The following KCNJ4 variants were observed in gnomAD, a reference collection of about 807,000 sequenced individuals.
The protein encoded by KCNJ4 is potassium inwardly rectifying channel subfamily J member 4.
KCNJ4 carries 3 observed loss-of-function variants against 25.6 expected under a neutral mutation model. The observed-to-expected ratio is 0.12, with a 90% confidence interval of 0.05 to 0.30. The LOEUF (loss-of-function observed/expected upper bound fraction) is 0.30. Among genes scored for constraint, KCNJ4 ranks in the 10% least tolerant of loss-of-function variants. The pLI is 1.00. For synonymous variants in KCNJ4, 257 were observed against 283.9 expected (o/e 0.91, Z 0.95); for missense variants, 286 against 666.8 (o/e 0.43, Z 6.29).
intron 1 of KCNJ4, among the ~76,000 whole-genome samples, chr22:38,448,558 A>G (rs982396534): frequency 1.3e-5 from 2 of 152,062 alleles, no homozygotes; most frequent in African/African-American, 2.4e-5. Context: ...TCTGGGGAGA[A>G]GGAGCTTAAA....
Position 38,427,093 on chromosome 22 carries a change from C to T in KCNJ4, c.1040G>A (p.Cys347Tyr), listed in dbSNP as rs778147631. 14 of 1,612,918 alleles carry T rather than the reference C, an allele frequency of 8.7e-6. No individual in the cohort carries two copies. In the East Asian group the frequency reaches 2.9e-4, roughly 33 times the overall value. Residue 347 changes from cysteine to tyrosine, a missense_variant, in exon 2 of 2, where the codon TGC becomes TAC. This residue lies in a region of KCNJ4 where 36 missense variants were observed against 100.1 expected (regional missense o/e 0.36). Transcript: ENST00000303592. ...CTCCTGCAGCTCCCGGGCCGAGCAG[C>T]AGGGCGTGCCGGCCACCTCGTAGGT... ...HKTYEVAGTP[C>Y]CSARELQESK... is the part of the protein sequence containing the mutation.
chr22:38,430,636 C>T lies in KCNJ4; in HGVS notation c.-39-2465G>A, dbSNP rs554222407. ...GGCCCAGACCCTCTTTGCCCCCTCCCGCAGCATCCCAGCAGCCAGGGCTCC... is the reference window on the plus strand; with the variant it reads ...GGCCCAGACCCTCTTTGCCCCCTCCTGCAGCATCCCAGCAGCCAGGGCTCC... On this transcript the variant is annotated intron_variant, in intron 1 of 1. Coordinates refer to ENST00000303592, the MANE Select transcript of KCNJ4 (RefSeq NM_152868.3). 4.6e-5 allele frequency among the ~76,000 whole-genome samples: 7 copies of T among 152,328 alleles called. 1 individual carries two copies. The highest frequency in any genetic ancestry group is 1.2e-4 in the African/African-American group (5 of 41,566).
Position 38,455,058 on chromosome 22 carries a change from G to T in KCNJ4, c.-118C>A, listed in dbSNP as rs1166831519. On this transcript the variant is annotated 5_prime_UTR_variant, in exon 1 of 2. Transcript: ENST00000303592. ...CCCAAGGCGCGATCCGGCGGGCGGC[G>T]TCCCGGGCGCGGAAAGGGGAGTCCC... The T allele has an allele frequency of 6.6e-6, 1 of 151,050 alleles. No individual in the cohort carries two copies. The highest frequency in any genetic ancestry group is 1.5e-5 in the Non-Finnish European group (1 of 67,644). 9.4% of individuals were successfully genotyped at this position (151,050 alleles called of 1,614,324 possible).
chr22:38,427,038 C>A lies in KCNJ4; in HGVS notation c.1095G>T (p.Pro365=). ...CGTAGCAGAAGGCACTGGGAGGGGG[C>A]GGTGGGGCGGGCAGCACGGTGATCT... ...ESKITVLPAP[P]PPPSAFCYEN... The change falls in exon 2 of 2, where the codon CCG becomes CCT. Residue 365 remains proline (P), a synonymous_variant. Transcript: ENST00000303592. 6.2e-7 allele frequency: 1 copy of A among 1,609,188 alleles called. No homozygotes were observed. The highest frequency in any genetic ancestry group is 1.3e-5 in the African/African-American group (1 of 74,920).
chr22:38,449,218 C>A lies in KCNJ4; in HGVS notation c.-40+5762G>T, dbSNP rs1224750702. On this transcript the variant is annotated intron_variant, in intron 1 of 1. Coordinates refer to ENST00000303592, the MANE Select transcript of KCNJ4 (RefSeq NM_152868.3). The surrounding 1 kb of genome is among the most constrained non-coding windows in gnomAD (Gnocchi z 5.2). ...TAGGCTGGCAGACATGTACCCACCT[C>A]CCTTCAGGTGGCCAATGAGGGTCCT... Among the ~76,000 whole-genome samples, 1 of 152,180 alleles carries A rather than the reference C, an allele frequency of 6.6e-6. No individual in the cohort carries two copies. Among genetic ancestry groups the A allele is most frequent in the Non-Finnish European group, 1.5e-5 (1 of 68,036 alleles).
chr22:38,440,858 G>A (rs2089327440), intron 1 of KCNJ4, among the ~76,000 whole-genome samples: 2 of 152,184 alleles, frequency 1.3e-5, no homozygotes. Flanking sequence ...CCAGGTTTCG[G>A]GAGCGACGGT....
At chr22:38,437,386 A>C (rs531288491) in intron 1 of KCNJ4, among the ~76,000 whole-genome samples, 2 of 152,260 alleles carry the variant, frequency 1.3e-5, no homozygotes, top group South Asian at 4.1e-4. Flanking sequence ...ACCTGTGCCC[A>C]TCTTCCCCAC....
At chr22:38,434,968 T>G (rs2093061204) in intron 1 of KCNJ4, among the ~76,000 whole-genome samples, 1 of 152,150 alleles carries the variant, frequency 6.6e-6, no homozygotes, top group Non-Finnish European at 1.5e-5. Context: ...GCAGGTAAAG[T>G]GCAAAAACTG....
rs191282655 is a variant in KCNJ4, at chr22:38,449,651, C to T, written c.-40+5329G>A. On this transcript the variant is annotated intron_variant, in intron 1 of 1. Coordinates refer to ENST00000303592, the MANE Select transcript of KCNJ4 (RefSeq NM_152868.3). The surrounding 1 kb of genome is among the most constrained non-coding windows in gnomAD (Gnocchi z 5.2). ...GCCACACGCCAGCACTCCTCCCCACCGGTTTCCCACCCTGTGTGTCCCAAC... is the reference window on the plus strand; with the variant it reads ...GCCACACGCCAGCACTCCTCCCCACTGGTTTCCCACCCTGTGTGTCCCAAC... Among the ~76,000 whole-genome samples, 390 of 152,340 alleles carry T rather than the reference C, an allele frequency of 2.6e-3. No individual in the cohort carries two copies. The highest frequency in any genetic ancestry group is 8.7e-3 in the African/African-American group (363 of 41,572).
chr22:38,448,097 G>A (rs111450546), intron 1 of KCNJ4, among the ~76,000 whole-genome samples: 2 of 149,616 alleles, frequency 1.3e-5, no homozygotes, highest in Non-Finnish European at 1.5e-5. Flanking sequence ...AAAGAAAAAA[G>A]TAGCCGGGCA....
chr22:38,446,391 G>T (rs1289872082), intron 1 of KCNJ4, among the ~76,000 whole-genome samples: 1 of 152,240 alleles, frequency 6.6e-6, no homozygotes, highest in Admixed American at 6.5e-5. Context: ...CCAAGGTCAG[G>T]TGGGCTCAGG....
rs921992294 is a variant in KCNJ4 at position 38,449,344 on chromosome 22, C to T, written c.-40+5636G>A. On this transcript the variant is annotated intron_variant, in intron 1 of 1. Coordinates refer to ENST00000303592, the MANE Select transcript of KCNJ4 (RefSeq NM_152868.3). The surrounding 1 kb of genome is among the most constrained non-coding windows in gnomAD (Gnocchi z 5.2). ...TTGCTTCTCTCTGAGCCTCAGTATT[C>T]TCATCTGAGAAGTGGGGGTGATGGT... 3.3e-5 allele frequency among the ~76,000 whole-genome samples: 5 copies of T among 152,196 alleles called. No homozygotes were observed. The highest frequency in any genetic ancestry group is 1.2e-4 in the African/African-American group (5 of 41,452).
intron 1 of KCNJ4, among the ~76,000 whole-genome samples, chr22:38,454,075 C>T (rs777605146): frequency 6.6e-6 from 1 of 152,186 alleles, no homozygotes; most frequent in Non-Finnish European, 1.5e-5. Context: ...GGGGAGAACA[C>T]ACACACACAC....
chr22:38,447,069 G>A (rs2089380029), intron 1 of KCNJ4, among the ~76,000 whole-genome samples: 1 of 152,164 alleles, frequency 6.6e-6, no homozygotes, highest in African/African-American at 2.4e-5. Context: ...GGGTGGAGCT[G>A]GACATGAACC....
intron 1 of KCNJ4, among the ~76,000 whole-genome samples, chr22:38,440,021 A>G (rs2145941385): frequency 6.7e-6 from 1 of 149,512 alleles, no homozygotes; most frequent in South Asian, 2.1e-4. Context: ...AACCTGGGAG[A>G]CGGAGCTTGC....
Position 38,449,015 on chromosome 22 carries a change from C to A in KCNJ4, c.-40+5965G>T, listed in dbSNP as rs527250682. On this transcript the variant is annotated intron_variant, in intron 1 of 1. Transcript: ENST00000303592. This position sits in a 1 kb window ranked among gnomAD's most constrained non-coding sequence, Gnocchi z 5.2. ...GCTGGGGTCGGGAACACCAAGGACCCCCTTTCCTGGTAGCCCCTAAGGACC... is the reference window on the plus strand; with the variant it reads ...GCTGGGGTCGGGAACACCAAGGACCACCTTTCCTGGTAGCCCCTAAGGACC... Among the ~76,000 whole-genome samples the A allele has an allele frequency of 6.6e-6, 1 of 152,284 alleles. No individual in the cohort carries two copies. Among genetic ancestry groups the A allele is most frequent in the Admixed American group, 6.5e-5 (1 of 15,308 alleles).
rs578039318 is a variant in KCNJ4 at position 38,438,550 on chromosome 22, G to A, written c.-39-10379C>T. ...TAAAAATACAAAAAGTTAGCCGGGC[G>A]TGGTGGCAGGCGCCTGTACTCCCAG... is the stretch of plus-strand genomic sequence containing the variant. On this transcript the variant is annotated intron_variant, in intron 1 of 1. Transcript: ENST00000303592. Among the ~76,000 whole-genome samples the A allele has an allele frequency of 4.7e-5, 7 of 149,348 alleles. No individual in the cohort carries two copies. The East Asian group carries it at 7.9e-4, about 17-fold the overall frequency.
Position 38,440,639 on chromosome 22 carries a change from G to A in KCNJ4, c.-39-12468C>T, listed in dbSNP as rs149827577. Among the ~76,000 whole-genome samples, 1,090 of 152,376 alleles carry A rather than the reference G, an allele frequency of 7.2e-3. 8 individuals carry two copies. The highest frequency in any genetic ancestry group is 0.011 in the Non-Finnish European group (743 of 68,044). The stretch of plus-strand genomic sequence containing the variant: ...TCAGCTAGCCTTTGAAGTCTGCACT[G>A]TCCAGAGTGCAGTGCCAGTCGCTGT... On this transcript the variant is annotated intron_variant, in intron 1 of 1. Coordinates refer to ENST00000303592, the MANE Select transcript of KCNJ4 (RefSeq NM_152868.3).
intron 1 of KCNJ4, among the ~76,000 whole-genome samples, chr22:38,434,470 TC>T (rs1209122301): frequency 1.3e-5 from 2 of 152,150 alleles, no homozygotes; most frequent in African/African-American, 4.8e-5. Context: ...TTGTTATTTC[TC>T]CTCCCCAGCT....
Sources: allele counts gnomAD v4.1 joint callset (sites outside exome capture counted in the v4.1 genomes callset), GRCh38; gene constraint gnomAD v4.1.1; regional missense constraint gnomAD v4.1.1; non-coding constraint Gnocchi (gnomAD v3.1); transcripts MANE v1.5; gene names NCBI Gene and HGNC (gene_info 2026-07-23, HGNC 2026-07-21).